The following GPC6 variants were observed in gnomAD, a reference collection of about 807,000 sequenced individuals.
GPC6 encodes the protein glypican 6, also known as glypican-6.
In GPC6, 14 loss-of-function variants were observed where a neutral mutation model predicts 55.2. That is an observed-to-expected ratio of 0.25 (90% CI 0.17 to 0.40). The LOEUF is 0.40. Among genes scored for constraint, GPC6 ranks in the 10% least tolerant of loss-of-function variants. The pLI, the probability that GPC6 is intolerant of heterozygous loss-of-function variation, is 1.00. For synonymous variants in GPC6, 278 were observed against 259.6 expected, an observed-to-expected ratio of 1.07 and a Z score of -0.68; for missense variants, 641 against 708.5, an observed-to-expected ratio of 0.90 and a Z score of 1.08.
chr13:93,477,309 C>T (rs1879336061), intron 1 of GPC6, among the ~76,000 whole-genome samples: 1 of 151,920 alleles, frequency 6.6e-6, no homozygotes, highest in Admixed American at 6.6e-5. Flanking sequence ...GTGTAGTTAC[C>T]TGAATTCTTA....
chr13:93,952,859 T>TAC (rs1398378441), intron 3 of GPC6, among the ~76,000 whole-genome samples: 9 of 109,298 alleles, frequency 8.2e-5, no homozygotes, highest in Non-Finnish European at 8.4e-5. Context: ...TATACGTATA[T>TAC]ATATGTATAT....
chr13:93,681,634 A>G (rs1461901021), intron 2 of GPC6, among the ~76,000 whole-genome samples: 2 of 152,166 alleles, frequency 1.3e-5, no homozygotes, highest in African/African-American at 4.8e-5. Context: ...TCGATCAAAA[A>G]TTGATATTTG....
At chr13:93,732,428 C>T (rs1439047630) in intron 2 of GPC6, among the ~76,000 whole-genome samples, 1 of 151,798 alleles carries the variant, frequency 6.6e-6, no homozygotes, top group Non-Finnish European at 1.5e-5. Flanking sequence ...GCAATGAGAC[C>T]CCTGGGAGCG....
chr13:94,354,324 C>G (rs1052344708), intron 6 of GPC6, among the ~76,000 whole-genome samples: 1 of 151,002 alleles, frequency 6.6e-6, no homozygotes, highest in Non-Finnish European at 1.5e-5. Flanking sequence ...GTGTTCAACA[C>G]TCAGCTCACT....
At chr13:93,640,749 T>TCC (rs1879883720) in intron 2 of GPC6, among the ~76,000 whole-genome samples, 1 of 72,550 alleles carries the variant, frequency 1.4e-5, no homozygotes, top group African/African-American at 6.8e-5. Context: ...CCTCCCCACT[T>TCC]TCCTTCCCTC....
intron 3 of GPC6, among the ~76,000 whole-genome samples, chr13:93,977,810 A>G (rs1286412736): frequency 2.0e-5 from 3 of 152,140 alleles, no homozygotes; most frequent in African/African-American, 7.2e-5. Context: ...AAATTGCAAT[A>G]GGATAAGTAC....
chr13:93,572,603 T>C (rs1441365167), intron 2 of GPC6, among the ~76,000 whole-genome samples: 1 of 152,032 alleles, frequency 6.6e-6, no homozygotes, highest in East Asian at 1.9e-4. Context: ...CTTCAAGGAG[T>C]ATTTAGAAAC....
chr13:93,565,719 C>T (rs1271345326), intron 2 of GPC6, among the ~76,000 whole-genome samples: 1 of 151,976 alleles, frequency 6.6e-6, no homozygotes, highest in Non-Finnish European at 1.5e-5. Flanking sequence ...GTCAAGAGTT[C>T]AAGACAAGCC....
At chr13:94,393,815 G>A (rs544771095) in intron 7 of GPC6, among the ~76,000 whole-genome samples, 6 of 152,224 alleles carry the variant, frequency 3.9e-5, no homozygotes, top group Admixed American at 2.6e-4. Context: ...CCAATATGCA[G>A]TGCCTTACAT....
At chr13:93,321,239 C>T (rs1879426676) in intron 1 of GPC6, among the ~76,000 whole-genome samples, 1 of 152,156 alleles carries the variant, frequency 6.6e-6, no homozygotes, top group Non-Finnish European at 1.5e-5. Context: ...AATAAAACTT[C>T]AGCCTTCCCA....
At chr13:94,323,726 C>G (rs780444457) in intron 6 of GPC6, among the ~76,000 whole-genome samples, 1 of 152,056 alleles carries the variant, frequency 6.6e-6, no homozygotes, top group African/African-American at 2.4e-5. Context: ...GCACTTGAAC[C>G]CTTTAAACTT....
At chr13:94,212,721 C>T (rs946703379) in intron 4 of GPC6, among the ~76,000 whole-genome samples, 7 of 152,304 alleles carry the variant, frequency 4.6e-5, no homozygotes, top group Non-Finnish European at 8.8e-5. Context: ...AATAAGCTAA[C>T]ACACTTTGAG....
At chr13:93,489,300 T>G (rs1190745451) in intron 1 of GPC6, among the ~76,000 whole-genome samples, 2 of 151,466 alleles carry the variant, frequency 1.3e-5, no homozygotes, top group Non-Finnish European at 2.9e-5. Flanking sequence ...GTATTATTTC[T>G]GAGGGCTCTG....
intron 2 of GPC6, among the ~76,000 whole-genome samples, chr13:93,625,144 G>GT (rs150769538): frequency 0.043 from 6,458 of 151,660 alleles, 449 homozygotes; most frequent in African/African-American, 0.14. Context: ...TTGAATGACA[G>GT]TTTTTTTTTA....
At chr13:93,630,640 T>G (rs1879387621) in intron 2 of GPC6, among the ~76,000 whole-genome samples, 1 of 152,146 alleles carries the variant, frequency 6.6e-6, no homozygotes. Flanking sequence ...CTTTTTGGTT[T>G]TGTCCATATA....
At chr13:94,087,189 G>A (rs1479978570) in intron 4 of GPC6, among the ~76,000 whole-genome samples, 1 of 152,188 alleles carries the variant, frequency 6.6e-6, no homozygotes, top group Non-Finnish European at 1.5e-5. Context: ...GGGGAAAGCC[G>A]ATGAATGAGC....
intron 1 of GPC6, among the ~76,000 whole-genome samples, chr13:93,397,082 A>G (rs1321089838): frequency 1.3e-5 from 2 of 152,190 alleles, no homozygotes; most frequent in Non-Finnish European, 2.9e-5. Context: ...ATAAACATTT[A>G]TACTTATATT....
intron 3 of GPC6, among the ~76,000 whole-genome samples, chr13:93,918,309 AT>A (rs1229932407): frequency 6.6e-6 from 1 of 152,178 alleles, no homozygotes; most frequent in Non-Finnish European, 1.5e-5. Context: ...TGACTGACCC[AT>A]GTGCCAGGCA....
At chr13:94,304,762 G>A (rs1387601312) in intron 5 of GPC6, among the ~76,000 whole-genome samples, 1 of 152,196 alleles carries the variant, frequency 6.6e-6, no homozygotes, top group Non-Finnish European at 1.5e-5. Context: ...AGAACTGGCA[G>A]CTCAGTCTCT....
Sources: gnomAD v4.1 joint callset for allele counts (sites outside exome capture counted in the v4.1 genomes callset) on GRCh38, gnomAD v4.1.1 for gene constraint, MANE v1.5 for transcripts, NCBI Gene and HGNC (gene_info 2026-07-23, HGNC 2026-07-21) for gene names.